Variants in AGBL3 observed in about 807,000 individuals in gnomAD.
The protein encoded by AGBL3 is cytosolic carboxypeptidase 3.
In AGBL3, 68 loss-of-function variants were observed where a neutral mutation model predicts 94.5. The ratio of observed to expected loss-of-function variants is 0.72; its 90% CI spans 0.59 to 0.88. AGBL3 has a LOEUF of 0.88. Ranked by LOEUF, AGBL3 falls within the 40% of genes least tolerant of loss-of-function variation. The pLI, the probability that AGBL3 is intolerant of heterozygous loss-of-function variation, is 0.00. For missense variants in AGBL3, 934 were observed against 1,103.8 expected (o/e 0.85, Z 2.18); for synonymous variants, 354 against 370.7 (o/e 0.95, Z 0.52).
rs1474211976 is a variant in AGBL3, at chr7:135,045,875, C to T, written c.1805C>T (p.Thr602Ile). 2 of 1,550,250 alleles carry T rather than the reference C, an allele frequency of 1.3e-6. No individual in the cohort carries two copies. The highest frequency in any genetic ancestry group is 1.7e-6 in the Non-Finnish European group (2 of 1,145,936). ...TLEKVFEDSD[T>I]PVIDITLDVE... ...GAAAAAGTCTTTGAGGATTCAGACA[C>T]ACCTGTGATAGACATTACATTGGAT... The change falls in exon 11 of 17, where the codon ACA becomes ATA. Residue 602 changes from threonine (T) to isoleucine (I), a missense_variant. Physicochemically the swap from Thr to Ile is moderately conservative, Grantham distance 89. This residue lies in a region of AGBL3 where 441 missense variants were observed against 518.2 expected (regional missense o/e 0.85). Coordinates refer to ENST00000436302, the MANE Select transcript of AGBL3 (RefSeq NM_178563.4).
chr7:135,064,470 A>C (rs535207355), intron 12 of AGBL3, among the ~76,000 whole-genome samples: 6 of 152,344 alleles, frequency 3.9e-5, no homozygotes, highest in African/African-American at 9.6e-5. Context: ...TTGTGTTAAG[A>C]GTACAATGAT....
intron 4 of AGBL3, chr7:135,010,999 C>G (rs916775711): frequency 3.3e-5 from 5 of 152,018 alleles, no homozygotes; most frequent in African/African-American, 1.2e-4. Context: ...GAAATGCCAA[C>G]GACCTCTTAA....
At chr7:135,098,605 T>C (rs1823282074) in intron 15 of AGBL3, among the ~76,000 whole-genome samples, 2 of 152,180 alleles carry the variant, frequency 1.3e-5, no homozygotes, top group Non-Finnish European at 2.9e-5. Flanking sequence ...ATTGGAATGA[T>C]ACCAGGAGCA....
chr7:135,050,422 G>A (rs1240016099), intron 11 of AGBL3, among the ~76,000 whole-genome samples: 2 of 151,838 alleles, frequency 1.3e-5, no homozygotes, highest in South Asian at 2.1e-4. Context: ...TGTTGTTCAA[G>A]CCCTCTGTTT....
intron 5 of AGBL3, among the ~76,000 whole-genome samples, chr7:135,017,542 G>C (rs1178955097): frequency 6.6e-6 from 1 of 152,118 alleles, no homozygotes; most frequent in Non-Finnish European, 1.5e-5. Context: ...TCCTGACTCT[G>C]ATGCATTTCT....
intron 5 of AGBL3, among the ~76,000 whole-genome samples, chr7:135,026,244 A>ATTATTTTATTTTATTTTTTTAT (rs147501962): frequency 8.1e-4 from 66 of 81,476 alleles, no homozygotes; most frequent in African/African-American, 2.3e-3. Context: ...AATGAATACC[A>ATTATTTTATTTTATTTTTTTAT]TTATTTTATT....
intron 16 of AGBL3, among the ~76,000 whole-genome samples, chr7:135,118,386 G>A (rs1826625168): frequency 6.6e-6 from 1 of 152,114 alleles, no homozygotes; most frequent in Non-Finnish European, 1.5e-5. Context: ...TCTCAATGGA[G>A]GCTACATATG....
chr7:135,064,730 T>C (rs931322642), intron 12 of AGBL3, among the ~76,000 whole-genome samples: 9 of 152,180 alleles, frequency 5.9e-5, no homozygotes, highest in Non-Finnish European at 7.3e-5. Flanking sequence ...ATGAGGACAA[T>C]GGTAAAATAG....
At chr7:134,993,835 T>C (rs1248784853) in intron 4 of AGBL3, among the ~76,000 whole-genome samples, 157 bp downstream of exon 4, 1 of 152,224 alleles carries the variant, frequency 6.6e-6, no homozygotes, top group African/African-American at 2.4e-5. Flanking sequence ...TGTAGCCACA[T>C]TTAAAAAGGC....
chr7:135,061,474 T>C (rs1453946653), intron 12 of AGBL3, among the ~76,000 whole-genome samples: 1 of 152,142 alleles, frequency 6.6e-6, no homozygotes, highest in Non-Finnish European at 1.5e-5. Flanking sequence ...CAGACCAATG[T>C]CATCGAGCCT....
chr7:135,095,316 CTCCAGT>C (rs1822500103), intron 15 of AGBL3, among the ~76,000 whole-genome samples: 1 of 152,128 alleles, frequency 6.6e-6, no homozygotes, highest in Non-Finnish European at 1.5e-5. Flanking sequence ...ACCAACATGA[CTCCAGT>C]ATAATAACAG....
In AGBL3 at chr7:135,115,387, C is replaced by T; in HGVS notation, c.2118C>T (p.His706=). ...TTTGTGGTTGCTCCCCAGATCTGCA[C>T]CACAACTTAAAAAGCAAAATAAAAG... The part of the protein sequence containing the change: ...RQLPNQGLDL[H]HNLKSKIKEC... The change falls in exon 16 of 17, where the codon CAC becomes CAT. Residue 706 remains histidine, a synonymous_variant. Coordinates refer to ENST00000436302, the MANE Select transcript of AGBL3 (RefSeq NM_178563.4). The T allele has an allele frequency of 6.5e-7, 1 of 1,549,776 alleles. No homozygotes were observed. The highest frequency in any genetic ancestry group is 1.2e-5 in the South Asian group (1 of 83,876).
intron 16 of AGBL3, among the ~76,000 whole-genome samples, chr7:135,127,541 G>A (rs1828057736): frequency 9.9e-6 from 1 of 100,686 alleles, no homozygotes; most frequent in African/African-American, 3.6e-5. Flanking sequence ...AACAGAGCAA[G>A]TCTCCGTCTA....
intron 3 of AGBL3, among the ~76,000 whole-genome samples, chr7:134,989,988 T>G (rs1255948382): frequency 6.6e-6 from 1 of 152,192 alleles, no homozygotes; most frequent in Non-Finnish European, 1.5e-5. Flanking sequence ...TTTGTGGACA[T>G]TTCCCTGCTA....
chr7:135,064,170 C>T (rs905833322), intron 12 of AGBL3, among the ~76,000 whole-genome samples: 2 of 152,196 alleles, frequency 1.3e-5, no homozygotes, highest in Non-Finnish European at 2.9e-5. Context: ...CATTTAGGAA[C>T]AATCCAGGGG....
chr7:135,096,553 A>AT (rs1174314714), intron 15 of AGBL3, among the ~76,000 whole-genome samples: 6 of 88,890 alleles, frequency 6.7e-5, no homozygotes, highest in Middle Eastern at 7.6e-3. Flanking sequence ...AGAAAGAAAG[A>AT]AAGAAAGATA....
chr7:135,067,830 G>A lies in AGBL3; in HGVS notation c.1909-8567G>A, dbSNP rs577659063. Among the ~76,000 whole-genome samples the A allele has an allele frequency of 9.2e-5, 14 of 151,508 alleles. No homozygotes were observed. In the East Asian group the frequency reaches 9.7e-4, roughly 11 times the overall value. Reference sequence around the variant, plus strand: ...AACTGGAAACTCTAAAAATCAGAGCGCCTCTCCTCCTCCAAAGGAACGCAG... The same window carrying A: ...AACTGGAAACTCTAAAAATCAGAGCACCTCTCCTCCTCCAAAGGAACGCAG... On this transcript the variant is annotated intron_variant, in intron 12 of 16. Coordinates refer to ENST00000436302, the MANE Select transcript of AGBL3 (RefSeq NM_178563.4).
chr7:135,026,143 A>G (rs1461691004), intron 5 of AGBL3, among the ~76,000 whole-genome samples: 2 of 151,480 alleles, frequency 1.3e-5, no homozygotes, highest in Admixed American at 1.3e-4. Flanking sequence ...AAGATCAACC[A>G]CATGCTTTGT....
intron 4 of AGBL3, among the ~76,000 whole-genome samples, chr7:134,994,085 G>A (rs1204815227): frequency 6.6e-6 from 1 of 152,160 alleles, no homozygotes; most frequent in African/African-American, 2.4e-5. Flanking sequence ...ATTCCAAAGG[G>A]CATGACGGTG....
Sources: allele counts gnomAD v4.1 joint callset (sites outside exome capture counted in the v4.1 genomes callset), GRCh38; gene constraint gnomAD v4.1.1; regional missense constraint gnomAD v4.1.1; transcripts MANE v1.5; gene names NCBI Gene and HGNC (gene_info 2026-07-23, HGNC 2026-07-21).